Variants in PCDH11X observed in about 807,000 individuals in gnomAD.
PCDH11X encodes protocadherin-11 X-linked.
A neutral mutation model predicts 53.3 loss-of-function variants in PCDH11X; 18 were observed. The observed-to-expected ratio is 0.34, with a 90% CI of 0.23 to 0.50. The LOEUF is 0.50. Among genes scored for constraint, PCDH11X ranks in the 20% least tolerant of loss-of-function variants. PCDH11X has a pLI of 0.98. For missense variants in PCDH11X, 570 were observed against 1,032.4 expected, an observed-to-expected ratio of 0.55 and a Z score of 6.14; for synonymous variants, 279 against 393.3, an observed-to-expected ratio of 0.71 and a Z score of 3.44.
intron 8 of PCDH11X, among the ~76,000 whole-genome samples, chrX:92,386,607 T>A (rs2071016365): frequency 1.8e-5 from 2 of 111,026 alleles, no homozygotes; most frequent in African/African-American, 6.5e-5. Flanking sequence ...CTGAAGATAG[T>A]TAGGATGACT....
chrX:92,255,980 C>T (rs1023008427), intron 7 of PCDH11X, among the ~76,000 whole-genome samples: 6 of 112,527 alleles, frequency 5.3e-5, no homozygotes, highest in African/African-American at 1.9e-4. Flanking sequence ...AGCTTCCCAG[C>T]TGCTTTGTTT....
At chrX:92,301,025 T>C (rs2068710195) in intron 8 of PCDH11X, among the ~76,000 whole-genome samples, 1 of 110,605 alleles carries the variant, frequency 9.0e-6, no homozygotes, top group African/African-American at 3.3e-5. Context: ...TACTTGCCTA[T>C]GTGTGTGCCA....
At chrX:92,222,599 G>A (rs1445189273) in intron 7 of PCDH11X, among the ~76,000 whole-genome samples, 1 of 111,793 alleles carries the variant, frequency 8.9e-6, no homozygotes, top group East Asian at 2.8e-4. Flanking sequence ...AACTGAAGAC[G>A]TTCCAACTTT....
chrX:92,358,243 C>T (rs1487266741), intron 8 of PCDH11X, among the ~76,000 whole-genome samples: 2 of 100,647 alleles, frequency 2.0e-5, no homozygotes, highest in African/African-American at 7.2e-5. Flanking sequence ...TCATTAGATA[C>T]AGATGGTCAT....
intron 4 of PCDH11X, among the ~76,000 whole-genome samples, chrX:91,814,439 C>G (rs993042559): frequency 9.2e-6 from 1 of 108,919 alleles, no homozygotes; most frequent in African/African-American, 3.3e-5. Context: ...TTAAAATAAG[C>G]TTTTTAATCT....
chrX:92,465,554 C>T (rs192133215), intron 9 of PCDH11X, among the ~76,000 whole-genome samples: 101 of 111,775 alleles, frequency 9.0e-4, no homozygotes, highest in African/African-American at 3.0e-3. Context: ...ACAAAGGTTA[C>T]GCCAACACTG....
At chrX:91,998,919 A>T (rs2062463867) in intron 6 of PCDH11X, among the ~76,000 whole-genome samples, 1 of 107,917 alleles carries the variant, frequency 9.3e-6, no homozygotes, top group Non-Finnish European at 1.9e-5. Context: ...ATTTTATTTT[A>T]TTTTATTTTT....
intron 1 of PCDH11X, among the ~76,000 whole-genome samples, chrX:91,807,979 A>G (rs1181823533): frequency 9.3e-6 from 1 of 107,012 alleles, no homozygotes; most frequent in Non-Finnish European, 1.9e-5. Flanking sequence ...ACTATCTCCC[A>G]CTCTTCTGAT....
At chrX:92,532,965 T>C in intron 10 of PCDH11X, among the ~76,000 whole-genome samples, 1 of 109,948 alleles carries the variant, frequency 9.1e-6, no homozygotes, top group Non-Finnish European at 1.9e-5. Flanking sequence ...ATCATGGGAA[T>C]AGCACAGGAA....
chrX:92,106,273 C>T (rs1256773664), intron 6 of PCDH11X, among the ~76,000 whole-genome samples: 1 of 91,305 alleles, frequency 1.1e-5, no homozygotes, highest in African/African-American at 5.7e-5. Flanking sequence ...AATCCTTCTA[C>T]CCAAGATTAC....
intron 6 of PCDH11X, among the ~76,000 whole-genome samples, chrX:92,117,985 T>C (rs34893539): frequency 1.8e-5 from 2 of 111,748 alleles, no homozygotes; most frequent in South Asian, 3.7e-4. Context: ...TGCTGTTCCA[T>C]ATGCAGAGAA....
rs1401477830 is a variant in PCDH11X, at chrX:91,781,038, G to A, written c.-379+1354G>A. On this transcript the variant is annotated intron_variant, in intron 1 of 10. Transcript: ENST00000682573. The stretch of plus-strand genomic sequence containing the variant: ...CTGCTCATGTGAAGCGCTTACGGGT[G>A]AGCCCTAGCCTCTCCGATGCAAAAT... Among the ~76,000 whole-genome samples, 3 of 112,438 alleles carry A rather than the reference G, an allele frequency of 2.7e-5. No homozygotes were observed. The East Asian group carries it at 8.4e-4, about 31-fold the overall frequency.
chrX:92,348,135 A>G (rs2069947824), intron 8 of PCDH11X, among the ~76,000 whole-genome samples: 1 of 111,440 alleles, frequency 9.0e-6, no homozygotes, highest in South Asian at 3.8e-4. Flanking sequence ...TGTCACCTGG[A>G]TTCCTAAAGC....
chrX:92,280,538 A>AAATG (rs1194918414), intron 8 of PCDH11X, among the ~76,000 whole-genome samples: 1 of 107,560 alleles, frequency 9.3e-6, no homozygotes, highest in Non-Finnish European at 1.9e-5. Context: ...ATAAATAAAT[A>AAATG]AATAAATAAA....
chrX:92,068,312 C>G (rs1426602546), intron 6 of PCDH11X, among the ~76,000 whole-genome samples: 68 of 110,264 alleles, frequency 6.2e-4, no homozygotes, highest in Non-Finnish European at 1.1e-3. Context: ...TCAATCTCCC[C>G]CTTAGTACTG....
chrX:92,259,937 G>A (rs957417766), intron 7 of PCDH11X, among the ~76,000 whole-genome samples: 4 of 111,411 alleles, frequency 3.6e-5, no homozygotes, highest in East Asian at 5.7e-4. Context: ...GACAGTTGCC[G>A]TGTCTTCCTC....
intron 7 of PCDH11X, among the ~76,000 whole-genome samples, chrX:92,204,847 T>C (rs2066448651): frequency 8.9e-6 from 1 of 112,042 alleles, no homozygotes; most frequent in Non-Finnish European, 1.9e-5. Context: ...AGGAAACTTA[T>C]AATCATGGTG....
At chrX:92,600,026 A>G (rs1418697335) in intron 10 of PCDH11X, among the ~76,000 whole-genome samples, 15 of 109,287 alleles carry the variant, frequency 1.4e-4, no homozygotes, top group African/African-American at 4.7e-4. Context: ...AAAGCATTCA[A>G]GAGGTAACTT....
chrX:92,071,417 T>C (rs763341019), intron 6 of PCDH11X, among the ~76,000 whole-genome samples: 2 of 111,918 alleles, frequency 1.8e-5, no homozygotes, highest in South Asian at 7.5e-4. Context: ...GAATTATCTC[T>C]CTGAAACATC....
Sources: gnomAD v4.1 joint callset for allele counts (sites outside exome capture counted in the v4.1 genomes callset) on GRCh38, gnomAD v4.1.1 for gene constraint, MANE v1.5 for transcripts, NCBI Gene and HGNC (gene_info 2026-07-23, HGNC 2026-07-21) for gene names.